The following GRIK4 variants were observed in gnomAD, a reference collection of about 807,000 sequenced individuals.
GRIK4 encodes the protein glutamate ionotropic receptor kainate type subunit 4, also known as glutamate receptor ionotropic, kainate 4.
GRIK4 carries 40 observed loss-of-function variants against 104.9 expected under a neutral mutation model. That is an observed-to-expected ratio of 0.38 (90% CI 0.30 to 0.50). The LOEUF is 0.50. Among genes scored for constraint, GRIK4 ranks in the 20% least tolerant of loss-of-function variants. The pLI is 0.93. For synonymous variants in GRIK4, 485 were observed against 524.9 expected, an observed-to-expected ratio of 0.92 and a Z score of 1.04; for missense variants, 1,047 against 1,308.1, an observed-to-expected ratio of 0.80 and a Z score of 3.08.
chr11:120,721,929 A>G lies in GRIK4; in HGVS notation c.82+61529A>G, dbSNP rs139489594. 7.1e-3 allele frequency among the ~76,000 whole-genome samples: 1,076 copies of G among 152,326 alleles called. 11 individuals are homozygous for G. Among genetic ancestry groups the G allele is most frequent in the Admixed American group, 0.013 (197 of 15,302 alleles). On this transcript the variant is annotated intron_variant, in intron 3 of 20. Coordinates refer to ENST00000527524, the MANE Select transcript of GRIK4 (RefSeq NM_014619.5). ...ATTGATAACATTTATTGGACACTATATGTGAGGCATGTTTTACATGTTTTA... is the reference window on the plus strand; with the variant it reads ...ATTGATAACATTTATTGGACACTATGTGTGAGGCATGTTTTACATGTTTTA...
chr11:120,986,517 C>A lies in GRIK4; in HGVS notation c.*257C>A. On this transcript the variant is annotated 3_prime_UTR_variant, in exon 21 of 21. Transcript: ENST00000527524. Reference sequence around the variant, plus strand: ...CTCCCTCCTGGGCACAAGGACCCATCTTCTCCCAGTGGGTCTTTCCCTCTC... The same window carrying A: ...CTCCCTCCTGGGCACAAGGACCCATATTCTCCCAGTGGGTCTTTCCCTCTC... 1 of 485,744 alleles carries A rather than the reference C, an allele frequency of 2.1e-6. No homozygotes were observed. The highest frequency in any genetic ancestry group is 3.6e-6 in the Non-Finnish European group (1 of 281,006). 30.1% of individuals were successfully genotyped at this position (485,744 alleles called of 1,614,324 possible).
At chr11:120,929,847 T>C (rs1221833493) in intron 13 of GRIK4, among the ~76,000 whole-genome samples, 1 of 134,956 alleles carries the variant, frequency 7.4e-6, no homozygotes, top group East Asian at 2.3e-4. Flanking sequence ...TTCAAGTCCT[T>C]AGGTTGGAGG....
intron 11 of GRIK4, among the ~76,000 whole-genome samples, chr11:120,896,598 G>A (rs1942588598): frequency 6.6e-6 from 1 of 152,206 alleles, no homozygotes; most frequent in Non-Finnish European, 1.5e-5. Context: ...CTGATGGTCT[G>A]GGGTGGGCCT....
intron 7 of GRIK4, among the ~76,000 whole-genome samples, chr11:120,833,833 A>G (rs1213109727): frequency 6.6e-6 from 1 of 152,174 alleles, no homozygotes; most frequent in African/African-American, 2.4e-5. Context: ...ATACTGCACA[A>G]ACTTTTCTGT....
intron 3 of GRIK4, among the ~76,000 whole-genome samples, chr11:120,690,550 G>A (rs1950341872): frequency 6.6e-6 from 1 of 152,244 alleles, no homozygotes; most frequent in South Asian, 2.1e-4. Context: ...CCAGGCAGCT[G>A]GAGCCAGGGC....
intron 1 of GRIK4, among the ~76,000 whole-genome samples, chr11:120,554,808 C>T (rs933153979): frequency 2.8e-4 from 42 of 152,210 alleles, no homozygotes; most frequent in Admixed American, 7.2e-4. Context: ...ATCTGCCTGC[C>T]TTGGCCTCCC....
chr11:120,629,768 C>T (rs953650986), intron 1 of GRIK4, among the ~76,000 whole-genome samples: 2 of 152,232 alleles, frequency 1.3e-5, no homozygotes, highest in African/African-American at 4.8e-5. Flanking sequence ...AGCGGCTCCC[C>T]ATGCTGGGCG....
At chr11:120,739,780 A>G (rs2135405822) in intron 3 of GRIK4, among the ~76,000 whole-genome samples, 1 of 152,320 alleles carries the variant, frequency 6.6e-6, no homozygotes, top group South Asian at 2.1e-4. Context: ...GTCAGTATGC[A>G]TATGCAGTTT....
intron 3 of GRIK4, among the ~76,000 whole-genome samples, chr11:120,787,211 G>T (rs1952297611): frequency 6.6e-6 from 1 of 151,560 alleles, no homozygotes; most frequent in African/African-American, 2.4e-5. Flanking sequence ...CTCACATGTG[G>T]TCCCAGCTAT....
chr11:120,763,920 G>C (rs1951790682), intron 3 of GRIK4, among the ~76,000 whole-genome samples: 1 of 152,184 alleles, frequency 6.6e-6, no homozygotes, highest in Non-Finnish European at 1.5e-5. Context: ...TGTATATTCT[G>C]TTGATTTGGG....
At chr11:120,654,182 G>A (rs528936906) in intron 2 of GRIK4, among the ~76,000 whole-genome samples, 1 of 152,290 alleles carries the variant, frequency 6.6e-6, no homozygotes, top group South Asian at 2.1e-4. Context: ...CCTGGGATTT[G>A]TGATTGCATA....
At chr11:120,612,864 T>C (rs1272084837) in intron 1 of GRIK4, among the ~76,000 whole-genome samples, 1 of 152,088 alleles carries the variant, frequency 6.6e-6, no homozygotes, top group Non-Finnish European at 1.5e-5. Context: ...CCACCGTGTG[T>C]AGAGCCCTGA....
intron 1 of GRIK4, chr11:120,576,704 A>C (rs1487583130): frequency 6.6e-6 from 1 of 152,448 alleles, no homozygotes; most frequent in Non-Finnish European, 1.5e-5. Context: ...GGCAGGTGGC[A>C]GTGCCCTCAG....
intron 3 of GRIK4, among the ~76,000 whole-genome samples, chr11:120,792,024 A>G (rs1431592999): frequency 6.6e-6 from 1 of 152,180 alleles, no homozygotes; most frequent in Non-Finnish European, 1.5e-5. Flanking sequence ...GGAAGAATTA[A>G]ACCTCGAAAG....
At chr11:120,730,294 G>T (rs1276868660) in intron 3 of GRIK4, among the ~76,000 whole-genome samples, 1 of 152,178 alleles carries the variant, frequency 6.6e-6, no homozygotes, top group Non-Finnish European at 1.5e-5. Flanking sequence ...GGAGGCAGAG[G>T]TTACAGTGAG....
intron 19 of GRIK4, among the ~76,000 whole-genome samples, chr11:120,976,372 G>A (rs769031727): frequency 6.6e-6 from 1 of 152,104 alleles, no homozygotes; most frequent in Non-Finnish European, 1.5e-5. Context: ...CAGATGCCTT[G>A]GTGAATACAA....
intron 9 of GRIK4, among the ~76,000 whole-genome samples, chr11:120,866,668 C>G (rs115551854): frequency 0.014 from 2,136 of 152,182 alleles, 49 homozygotes; most frequent in African/African-American, 0.047. Context: ...TGAGCTGCAC[C>G]GGCTCAAGGC....
At chr11:120,529,130 C>G (rs1479930266) in intron 1 of GRIK4, among the ~76,000 whole-genome samples, 3 of 151,710 alleles carry the variant, frequency 2.0e-5, no homozygotes, top group Non-Finnish European at 4.4e-5. Context: ...CATAACCCCC[C>G]ACCCCGACCC....
intron 1 of GRIK4, among the ~76,000 whole-genome samples, chr11:120,540,899 C>T (rs1948027084): frequency 6.6e-6 from 1 of 152,144 alleles, no homozygotes; most frequent in African/African-American, 2.4e-5. Context: ...ATCTCTTGAG[C>T]CTGGGAGTTG....
Sources: gnomAD v4.1 joint callset for allele counts (sites outside exome capture counted in the v4.1 genomes callset) on GRCh38, gnomAD v4.1.1 for gene constraint, MANE v1.5 for transcripts, NCBI Gene and HGNC (gene_info 2026-07-23, HGNC 2026-07-21) for gene names.